The following CDC42 variants were observed in gnomAD, a reference collection of about 807,000 sequenced individuals.
CDC42 encodes the protein cell division cycle 42, also known as cell division control protein 42 homolog.
A neutral mutation model predicts 20.8 loss-of-function variants in CDC42; 1 was observed. The ratio of observed to expected loss-of-function variants is 0.05; its 90% CI spans 0.02 to 0.23. The LOEUF (loss-of-function observed/expected upper bound fraction) is 0.23. CDC42 is among the 10% of genes least tolerant of loss of function. The pLI, the probability that CDC42 is intolerant of heterozygous loss-of-function variation, is 1.00. For synonymous variants in CDC42, 72 were observed against 84.8 expected (o/e 0.85, Z 0.83); for missense variants, 49 against 227.9 (o/e 0.21, Z 5.05).
chr1:22,081,701 G>A, intron 2 of CDC42, 21 bp from the exon 3 acceptor site: 2 of 1,515,678 alleles, frequency 1.3e-6, no homozygotes, highest in Non-Finnish European at 1.8e-6. Context: ...CACTAACAGT[G>A]TTGTATTTTT....
chr1:22,061,258 A>G (rs951397982), intron 1 of CDC42, among the ~76,000 whole-genome samples: 1 of 151,938 alleles, frequency 6.6e-6, no homozygotes, highest in Non-Finnish European at 1.5e-5. Context: ...AATACAAAAA[A>G]TTAGCCAGGT....
At chr1:22,057,914 G>A (rs1178430726) in intron 1 of CDC42, among the ~76,000 whole-genome samples, 4 of 149,000 alleles carry the variant, frequency 2.7e-5, no homozygotes, top group Admixed American at 2.7e-4. Flanking sequence ...AGTAGAGGTG[G>A]GGGGGTTTCA....
At chr1:22,084,544 TTCTTTG>T (rs754613026) in intron 3 of CDC42, among the ~76,000 whole-genome samples, 6 of 151,664 alleles carry the variant, frequency 4.0e-5, no homozygotes, top group Non-Finnish European at 5.9e-5. Context: ...GTTTTAGGAG[TTCTTTG>T]TAGATTCCGG....
intron 1 of CDC42, among the ~76,000 whole-genome samples, chr1:22,074,691 A>T (rs1645529726): frequency 6.6e-6 from 1 of 152,200 alleles, no homozygotes; most frequent in African/African-American, 2.4e-5. Context: ...AAGTGCAAGG[A>T]TTACAGGTGA....
chr1:22,081,240 A>G (rs1325276915), intron 2 of CDC42, among the ~76,000 whole-genome samples: 9 of 152,180 alleles, frequency 5.9e-5, no homozygotes, highest in Non-Finnish European at 1.5e-5. Flanking sequence ...GGGAACCGTT[A>G]TTTCTCTCAA....
intron 1 of CDC42, among the ~76,000 whole-genome samples, chr1:22,057,475 C>G (rs1259861047): frequency 6.6e-6 from 1 of 152,160 alleles, no homozygotes; most frequent in African/African-American, 2.4e-5. Flanking sequence ...ACCTCCGCCT[C>G]CTGGATTCAA....
intron 5 of CDC42, among the ~76,000 whole-genome samples, chr1:22,087,253 A>T (rs1049779347): frequency 6.6e-6 from 1 of 152,100 alleles, no homozygotes; most frequent in Non-Finnish European, 1.5e-5. Flanking sequence ...CTGACAATTG[A>T]TACTATACTG....
At chr1:22,085,959 C>T (rs1173795694) in intron 3 of CDC42, among the ~76,000 whole-genome samples, 1 of 152,174 alleles carries the variant, frequency 6.6e-6, no homozygotes, top group Non-Finnish European at 1.5e-5. Context: ...GATTCTTCTG[C>T]CTCAGCCTTC....
chr1:22,090,830 G>C (rs1337082462), intron 5 of CDC42: 156 of 984,346 alleles, frequency 1.6e-4, no homozygotes, highest in Non-Finnish European at 1.8e-4. Flanking sequence ...CTTTATTCCT[G>C]TTGCACTGAC....
intron 1 of CDC42, among the ~76,000 whole-genome samples, chr1:22,072,358 A>G (rs1645501953): frequency 1.3e-5 from 2 of 151,770 alleles, no homozygotes; most frequent in South Asian, 2.1e-4. Flanking sequence ...CGGCCTCCCA[A>G]AGTGCTGGGA....
intron 5 of CDC42, 141 bp downstream of exon 5, chr1:22,087,007 C>T: frequency 1.4e-6 from 1 of 696,390 alleles, no homozygotes; most frequent in Non-Finnish European, 2.5e-6. Flanking sequence ...ATTGTATGTT[C>T]TTTTGTTAGA....
At position 22,097,465 on chromosome 1, in the gene CDC42, C is replaced by T. The variant is rs59639278; in HGVS notation, c.*5948C>T. ...CCATGTTGGCCAGGCTGGTCTTGAA[C>T]TCCTGACCTCAGGTGATCCGCCCGT... is the stretch of plus-strand genomic sequence containing the variant. On this transcript the variant is annotated 3_prime_UTR_variant, in exon 6 of 6. Coordinates refer to ENST00000656825, the MANE Select transcript of CDC42 (RefSeq NM_001791.4). Among the ~76,000 whole-genome samples, 1,473 of 152,292 alleles carry T rather than the reference C, an allele frequency of 9.7e-3. 28 individuals carry two copies. The highest frequency in any genetic ancestry group is 0.034 in the African/African-American group (1,415 of 41,550).
At chr1:22,089,133 T>A (rs1645691064) in intron 5 of CDC42, among the ~76,000 whole-genome samples, 1 of 152,204 alleles carries the variant, frequency 6.6e-6, no homozygotes, top group Non-Finnish European at 1.5e-5. Context: ...GTGGTAAACT[T>A]GTGGCTTCAG....
chr1:22,095,983 G>A lies in CDC42; in HGVS notation c.*4466G>A, dbSNP rs932629712. Among the ~76,000 whole-genome samples the A allele has an allele frequency of 1.3e-5, 2 of 148,502 alleles. No individual in the cohort carries two copies. The highest frequency in any genetic ancestry group is 3.0e-5 in the Non-Finnish European group (2 of 67,100). On this transcript the variant is annotated 3_prime_UTR_variant, in exon 6 of 6. Transcript: ENST00000656825. ...TTTATTTATTTATTTATTTTCAGAC[G>A]GGGTCTTGCACTGTTGCCCGGGCTG... is the stretch of plus-strand genomic sequence containing the variant.
chr1:22,097,081 A>G lies in CDC42; in HGVS notation c.*5564A>G, dbSNP rs1168617867. The stretch of plus-strand genomic sequence containing the variant: ...CACAATCACAGAATTGAGACTAGCT[A>G]GTTTAAATCCCTGCATCTTGCACAT... On this transcript the variant is annotated 3_prime_UTR_variant, in exon 6 of 6. Coordinates refer to ENST00000656825, the MANE Select transcript of CDC42 (RefSeq NM_001791.4). Among the ~76,000 whole-genome samples the G allele has an allele frequency of 2.0e-5, 3 of 152,246 alleles. No individual in the cohort carries two copies. Among genetic ancestry groups the G allele is most frequent in the South Asian group, 2.1e-4 (1 of 4,838 alleles).
intron 5 of CDC42, among the ~76,000 whole-genome samples, chr1:22,089,489 C>T (rs1458682623): frequency 6.6e-6 from 1 of 152,146 alleles, no homozygotes; most frequent in Non-Finnish European, 1.5e-5. Context: ...GGTACTGTTG[C>T]ACAATTAACA....
chr1:22,078,544 C>T lies in CDC42; in HGVS notation c.66C>T (p.Ser22=), dbSNP rs1284703979. Residue 22 remains serine, a synonymous_variant, in exon 2 of 6, where the codon TCC becomes TCT. Transcript: ENST00000656825. ...TTGGTAAAACATGTCTCCTGATATC[C>T]TACACAACAAACAAATTTCCATCGG... ...GAVGKTCLLI[S]YTTNKFPSEY... is the part of the protein sequence containing the mutation. 4 of 1,613,290 alleles carry T rather than the reference C, an allele frequency of 2.5e-6. No homozygotes were observed. Among genetic ancestry groups the T allele is most frequent in the Non-Finnish European group, 2.5e-6 (3 of 1,179,526 alleles).
Position 22,094,350 on chromosome 1 carries a change from T to G in CDC42, c.*2833T>G, listed in dbSNP as rs1645742196. 9.4e-6 allele frequency among the ~76,000 whole-genome samples: 1 copy of G among 106,630 alleles called. No individual in the cohort carries two copies. The allele number at this position is 106,630 out of a possible 152,430, so 70.0% of individuals were successfully genotyped here. A position where few individuals can be genotyped will look rare whatever the true frequency, so the allele number is the denominator to read the frequency against. ...TCTCGCTCTGTCGCCCAGGCTGGAG[T>G]GCAGTGGCGCGATCTCGGCTCACTG... is the stretch of plus-strand genomic sequence containing the variant. On this transcript the variant is annotated 3_prime_UTR_variant, in exon 6 of 6. Coordinates refer to ENST00000656825, the MANE Select transcript of CDC42 (RefSeq NM_001791.4).
intron 1 of CDC42, among the ~76,000 whole-genome samples, chr1:22,070,342 CCAAG>C (rs1437468988): frequency 6.6e-6 from 1 of 151,866 alleles, no homozygotes; most frequent in Admixed American, 6.6e-5. Context: ...TTATACTGGT[CCAAG>C]CAAGCATTAG....
Sources: gnomAD v4.1 joint callset for allele counts (sites outside exome capture counted in the v4.1 genomes callset) on GRCh38, gnomAD v4.1.1 for gene constraint, MANE v1.5 for transcripts, NCBI Gene and HGNC (gene_info 2026-07-23, HGNC 2026-07-21) for gene names.